The following ANAPC2 variants were observed in gnomAD, a reference collection of about 807,000 sequenced individuals.
ANAPC2 encodes the protein anaphase promoting complex subunit 2, also known as anaphase-promoting complex subunit 2.
A neutral mutation model predicts 84.3 loss-of-function variants in ANAPC2; 29 were observed. That is an observed-to-expected ratio of 0.34 (90% CI 0.26 to 0.47). ANAPC2 has a LOEUF of 0.47. Ranked by LOEUF, ANAPC2 falls within the 20% of genes least tolerant of loss-of-function variation. The probability of loss-of-function intolerance (pLI) is 1.00; values close to 1 mark genes in which losing one functional copy is unlikely to be tolerated. For synonymous variants in ANAPC2, 571 were observed against 479.4 expected, an observed-to-expected ratio of 1.19 and a Z score of -2.50; for missense variants, 857 against 1,131.7, an observed-to-expected ratio of 0.76 and a Z score of 3.48.
intron 5 of ANAPC2, 102 bp from the exon 6 acceptor site, chr9:137,183,344 C>CA: frequency 1.0e-6 from 1 of 993,408 alleles, no homozygotes; most frequent in African/African-American, 1.6e-5. Flanking sequence ...AGGTGGTCTA[C>CA]AGGTCCCCAC....
intron 7 of ANAPC2, 72 bp from the exon 8 acceptor site, chr9:137,181,001 C>T (rs999696613): frequency 1.5e-5 from 23 of 1,570,502 alleles, no homozygotes; most frequent in African/African-American, 6.7e-5. Context: ...CCTCCCATCC[C>T]GCCCAGCCAG....
intron 4 of ANAPC2, among the ~76,000 whole-genome samples, chr9:137,184,280 C>G (rs1332702327): frequency 6.6e-6 from 1 of 150,704 alleles, no homozygotes; most frequent in Non-Finnish European, 1.5e-5. Flanking sequence ...GGCGAAGGCA[C>G]AGGGAGCCCA....
At chr9:137,176,891 G>A (rs1351347709) in intron 10 of ANAPC2, 2 of 152,288 alleles carry the variant, frequency 1.3e-5, no homozygotes, top group East Asian at 1.9e-4. Flanking sequence ...CAGAATGCAA[G>A]AGGGAAACAA....
chr9:137,181,282 T>A (rs1434554177), intron 7 of ANAPC2, among the ~76,000 whole-genome samples: 4 of 152,212 alleles, frequency 2.6e-5, no homozygotes, highest in Admixed American at 6.5e-5. Flanking sequence ...CTCAGAGCCC[T>A]CGCAGACGAG....
chr9:137,175,396 C>T lies in ANAPC2; in HGVS notation c.2097G>A (p.Trp699Ter). Reference sequence around the variant, plus strand: ...CCTCACGCAGCACACCCTGCTGCAGCCACACGGACATCCGCCGCCGCAGCA... The same window carrying T: ...CCTCACGCAGCACACCCTGCTGCAGTCACACGGACATCCGCCGCCGCAGCA... The part of the protein sequence containing the change: ...VALLRRRMSV[W>*]LQQGVLREEP... Residue 699 changes from tryptophan to a stop codon, truncating the protein, a stop_gained, in exon 12 of 13, where the codon TGG becomes TGA. Transcript: ENST00000323927. LOFTEE classifies it high-confidence loss of function. 6.2e-7 allele frequency: 1 copy of T among 1,609,468 alleles called. No individual in the cohort carries two copies. Among genetic ancestry groups the T allele is most frequent in the Non-Finnish European group, 8.5e-7 (1 of 1,178,760 alleles).
chr9:137,188,182 G>A, intron 1 of ANAPC2, 79 bp from the exon 2 acceptor site: 3 of 1,523,424 alleles, frequency 2.0e-6, no homozygotes, highest in Non-Finnish European at 2.6e-6. Flanking sequence ...AAGCTGAGGG[G>A]GAGGCTGCAA....
At chr9:137,175,957 G>T in intron 10 of ANAPC2, 120 bp from the exon 11 acceptor site, 2 of 1,303,720 alleles carry the variant, frequency 1.5e-6, no homozygotes, top group Non-Finnish European at 2.1e-6. Flanking sequence ...CCCCACCCTG[G>T]CAGGCAGGTG....
Position 137,175,476 on chromosome 9 carries a change from C to G in ANAPC2, c.2021-4G>C, listed in dbSNP as rs368688077. 3.9e-6 allele frequency: 6 copies of G among 1,554,846 alleles called. No homozygotes were observed. In the African/African-American group the frequency reaches 8.2e-5, roughly 21 times the overall value. The stretch of plus-strand genomic sequence containing the variant: ...AGTTCCTCCAGGGTCCAGCTGGCTG[C>G]GTGCAGAGTCACCGGGACGCTGGGC... On this transcript the variant is annotated splice_region_variant and splice_polypyrimidine_tract_variant and intron_variant, in intron 11 of 12. Coordinates refer to ENST00000323927, the MANE Select transcript of ANAPC2 (RefSeq NM_013366.4).
At position 137,184,667 on chromosome 9, in the gene ANAPC2, G is replaced by C. The variant is rs568195481; in HGVS notation, c.1048+246C>G. Among the ~76,000 whole-genome samples the C allele has an allele frequency of 2.2e-3, 316 of 144,668 alleles. 3 individuals carry two copies. The highest frequency in any genetic ancestry group is 4.0e-3 in the Non-Finnish European group (265 of 65,804). The allele number at this position is 144,668 out of a possible 152,430, so 94.9% of individuals were successfully genotyped here. ...CACAGGGAGCCCAGACGCAGACACA[G>C]GGAGCCCAGACGCAGACACAGAGCA... On this transcript the variant is annotated intron_variant, in intron 4 of 12. Transcript: ENST00000323927.
chr9:137,183,715 G>A lies in ANAPC2; in HGVS notation c.1125C>T (p.Leu375=), dbSNP rs753627593. ...LERTDQRQQL[L]VSLKAALETR... Reference sequence around the variant, plus strand: ...TCTCCAGGGCAGCCTTGAGGGACACGAGCAGCTGCTGCCTCTGGTCCGTCC... The same window carrying A: ...TCTCCAGGGCAGCCTTGAGGGACACAAGCAGCTGCTGCCTCTGGTCCGTCC... The change falls in exon 5 of 13, where the codon CTC becomes CTT. Residue 375 remains leucine, a synonymous_variant. Transcript: ENST00000323927. 1.3e-5 allele frequency: 21 copies of A among 1,612,696 alleles called. No individual in the cohort carries two copies. The East Asian group carries it at 1.8e-4, about 14-fold the overall frequency.
chr9:137,175,898 C>T, intron 10 of ANAPC2, 61 bp from the exon 11 acceptor site: 2 of 1,521,730 alleles, frequency 1.3e-6, no homozygotes, highest in Admixed American at 2.1e-5. Context: ...CCCGTGGGCT[C>T]TGCCACCTGG....
At chr9:137,177,880 A>G (rs1834258553) in intron 10 of ANAPC2, among the ~76,000 whole-genome samples, 1 of 152,174 alleles carries the variant, frequency 6.6e-6, no homozygotes, top group South Asian at 2.1e-4. Flanking sequence ...AGAGCGAGGC[A>G]CCCACAGGCC....
chr9:137,180,599 G>A (rs888088466), intron 8 of ANAPC2, 72 bp from the exon 9 acceptor site: 18 of 1,593,940 alleles, frequency 1.1e-5, no homozygotes, highest in Middle Eastern at 1.7e-4. Context: ...GGCAGGGCAC[G>A]GGGGTGCCCC....
At chr9:137,177,795 TAG>T (rs72240605) in intron 10 of ANAPC2, among the ~76,000 whole-genome samples, 1 of 152,052 alleles carries the variant, frequency 6.6e-6, no homozygotes, top group Non-Finnish European at 1.5e-5. Context: ...CACCCTGGAA[TAG>T]AGAGAGTGTT....
intron 10 of ANAPC2, 62 bp downstream of exon 10, chr9:137,180,119 G>A (rs893039488): frequency 2.6e-6 from 4 of 1,536,722 alleles, no homozygotes; most frequent in Non-Finnish European, 3.5e-6. Flanking sequence ...CAGGCTGCTG[G>A]GAGCCCCGCA....
At chr9:137,188,202 T>C in intron 1 of ANAPC2, 99 bp from the exon 2 acceptor site, 1 of 1,464,438 alleles carries the variant, frequency 6.8e-7, no homozygotes, top group Non-Finnish European at 9.1e-7. Context: ...AAAACTCCGC[T>C]GCCCCCTGTC....
At chr9:137,183,900 G>A (rs1834396501) in intron 4 of ANAPC2, 109 bp from the exon 5 acceptor site, 2 of 1,467,648 alleles carry the variant, frequency 1.4e-6, no homozygotes, top group Non-Finnish European at 1.8e-6. Context: ...CCAGCCCCAG[G>A]ACGATGATGA....
rs201980860 is a variant in ANAPC2 at position 137,183,721 on chromosome 9, C to T, written c.1119G>A (p.Gln373=). 6.2e-7 allele frequency: 1 copy of T among 1,612,980 alleles called. No homozygotes were observed. Among genetic ancestry groups the T allele is most frequent in the Admixed American group, 1.7e-5 (1 of 59,992 alleles). Residue 373 remains glutamine (Q), a synonymous_variant, in exon 5 of 13, where the codon CAG becomes CAA. Coordinates refer to ENST00000323927, the MANE Select transcript of ANAPC2 (RefSeq NM_013366.4). Reference sequence around the variant, plus strand: ...GGGCAGCCTTGAGGGACACGAGCAGCTGCTGCCTCTGGTCCGTCCTCTCCA... The same window carrying T: ...GGGCAGCCTTGAGGGACACGAGCAGTTGCTGCCTCTGGTCCGTCCTCTCCA... ...YCLERTDQRQ[Q]LLVSLKAALE...
Position 137,175,382 on chromosome 9 carries a change from A to AC in ANAPC2, c.2110dup (p.Val704GlyfsTer4). 6.2e-7 allele frequency: 1 copy of AC among 1,610,476 alleles called. No individual in the cohort carries two copies. Among genetic ancestry groups the AC allele is most frequent in the Non-Finnish European group, 8.5e-7 (1 of 1,179,134 alleles). On this transcript the variant is annotated frameshift_variant, in exon 12 of 13. Transcript: ENST00000323927. LOFTEE classifies it high-confidence loss of function. ...GGTGCCGGGGGGCTCCTCACGCAGC[A>AC]CACCCTGCTGCAGCCACACGGACAT...
Sources: gnomAD v4.1 joint callset for allele counts (sites outside exome capture counted in the v4.1 genomes callset) on GRCh38, gnomAD v4.1.1 for gene constraint, MANE v1.5 for transcripts, NCBI Gene and HGNC (gene_info 2026-07-23, HGNC 2026-07-21) for gene names.